Variants in TRMT11 observed in about 807,000 individuals in gnomAD.
TRMT11 encodes the protein tRNA (guanine(10)-N(2))-methyltransferase TRMT11.
In TRMT11, 53 loss-of-function variants were observed where a neutral mutation model predicts 62.8. The observed-to-expected ratio is 0.84, with a 90% confidence interval of 0.68 to 1.06. The LOEUF is 1.06. Ranked by LOEUF, TRMT11 falls within the 50% of genes least tolerant of loss-of-function variation. The pLI is 0.00. For synonymous variants in TRMT11, 188 were observed against 190.3 expected (o/e 0.99, Z 0.10); for missense variants, 556 against 553.4 (o/e 1.00, Z -0.05).
At chr6:126,136,326 A>C (rs573350982) in intron 21 of TRMT11, among the ~76,000 whole-genome samples, 40 of 151,870 alleles carry the variant, frequency 2.6e-4, no homozygotes, top group African/African-American at 9.4e-4. Flanking sequence ...AAATTACAAG[A>C]TACAAATAAC....
intron 12 of TRMT11, among the ~76,000 whole-genome samples, chr6:126,029,301 A>T (rs1773755247): frequency 6.6e-6 from 1 of 152,206 alleles, no homozygotes; most frequent in African/African-American, 2.4e-5. Context: ...TATAAAGTGA[A>T]CATCCATGTA....
At chr6:125,995,400 G>A (rs911600263) in intron 2 of TRMT11, among the ~76,000 whole-genome samples, 3 of 152,076 alleles carry the variant, frequency 2.0e-5, no homozygotes, top group Non-Finnish European at 4.4e-5. Context: ...CTTGGGTGTT[G>A]GGATAGAGGA....
chr6:126,066,197 T>C (rs1050304106), intron 17 of TRMT11, among the ~76,000 whole-genome samples: 1 of 152,172 alleles, frequency 6.6e-6, no homozygotes, highest in Admixed American at 6.5e-5. Context: ...CAGGCCAGGG[T>C]GTGGCTGGAT....
chr6:126,025,466 T>A (rs1448858576), intron 12 of TRMT11, among the ~76,000 whole-genome samples: 1 of 152,230 alleles, frequency 6.6e-6, no homozygotes, highest in African/African-American at 2.4e-5. Flanking sequence ...CCTCAAGTAA[T>A]TTTTTGAAAT....
intron 17 of TRMT11, among the ~76,000 whole-genome samples, chr6:126,055,723 C>T (rs753099395): frequency 1.4e-4 from 22 of 152,154 alleles, no homozygotes; most frequent in Non-Finnish European, 2.4e-4. Flanking sequence ...TGACTAAACC[C>T]GTTTCTTTGT....
intron 17 of TRMT11, among the ~76,000 whole-genome samples, chr6:126,099,953 AG>A (rs113335889): frequency 1.2e-4 from 18 of 152,184 alleles, no homozygotes; most frequent in African/African-American, 3.9e-4. Context: ...GGGACTTCAG[AG>A]GGGCCTGGCT....
the TRMT11 span, among the ~76,000 whole-genome samples, chr6:126,253,138 A>C: frequency 6.6e-6 from 1 of 152,114 alleles, no homozygotes; most frequent in African/African-American, 2.4e-5. Context: ...ATGTGTATAC[A>C]TATGTACATT....
chr6:126,193,248 C>G (rs993509216), intron 1 of TRMT11, among the ~76,000 whole-genome samples: 3 of 151,918 alleles, frequency 2.0e-5, no homozygotes, highest in African/African-American at 7.2e-5. Flanking sequence ...CTTTGTATTT[C>G]TATGGTAACT....
chr6:126,206,487 G>GAT (rs1778793402), downstream of TRMT11, among the ~76,000 whole-genome samples: 1 of 152,206 alleles, frequency 6.6e-6, no homozygotes, highest in Non-Finnish European at 1.5e-5. Flanking sequence ...CACAGCACAA[G>GAT]CACTGTTTAG....
At chr6:126,177,658 G>C (rs970467714) in intron 1 of TRMT11, among the ~76,000 whole-genome samples, 3 of 151,824 alleles carry the variant, frequency 2.0e-5, no homozygotes, top group African/African-American at 7.3e-5. Flanking sequence ...ACCATTTTTG[G>C]TTTAACCTCT....
the TRMT11 span, among the ~76,000 whole-genome samples, chr6:126,241,111 C>G: frequency 6.6e-6 from 1 of 152,198 alleles, no homozygotes; most frequent in Non-Finnish European, 1.5e-5. Context: ...ATCTGTCACC[C>G]CTTTCCTTGG....
chr6:126,213,298 T>C, the TRMT11 span, among the ~76,000 whole-genome samples: 9 of 152,118 alleles, frequency 5.9e-5, no homozygotes, highest in Non-Finnish European at 1.0e-4. Context: ...TCTTTTTCTA[T>C]TTTGTGAACA....
chr6:126,103,368 G>A (rs933078619), intron 17 of TRMT11, among the ~76,000 whole-genome samples: 1 of 152,136 alleles, frequency 6.6e-6, no homozygotes, highest in African/African-American at 2.4e-5. Context: ...GTATTTATTT[G>A]AGTTAAAGTT....
intron 12 of TRMT11, among the ~76,000 whole-genome samples, chr6:126,030,029 G>T (rs1264306572): frequency 6.6e-6 from 1 of 152,094 alleles, no homozygotes; most frequent in Non-Finnish European, 1.5e-5. Flanking sequence ...TTACTATCAT[G>T]TAGTGAAATT....
chr6:126,170,735 A>G (rs1778320517), intron 21 of TRMT11, among the ~76,000 whole-genome samples: 1 of 152,174 alleles, frequency 6.6e-6, no homozygotes, highest in Admixed American at 6.5e-5. Flanking sequence ...TGAGAAGCAC[A>G]ATCTCGATGC....
At chr6:126,004,245 T>C (rs751829161) in intron 7 of TRMT11, among the ~76,000 whole-genome samples, 24 of 152,124 alleles carry the variant, frequency 1.6e-4, no homozygotes, top group Middle Eastern at 3.4e-3. Flanking sequence ...TTCACAGCTG[T>C]CAATATATGG....
the TRMT11 span, among the ~76,000 whole-genome samples, chr6:126,223,568 T>G: frequency 6.6e-6 from 1 of 152,234 alleles, no homozygotes; most frequent in African/African-American, 2.4e-5. Context: ...GTGACCTGTC[T>G]TTCTTTCTAG....
At chr6:125,986,818 C>A in intron 1 of TRMT11, 196 bp downstream of exon 1, 1 of 564,582 alleles carries the variant, frequency 1.8e-6, no homozygotes, top group East Asian at 3.0e-5. Flanking sequence ...CGAGACCAAA[C>A]CCCTCGGCCT....
chr6:126,066,814 A>G lies in TRMT11; in HGVS notation c.*1437+13624A>G, dbSNP rs573009143. The stretch of plus-strand genomic sequence containing the variant: ...TGATGAGGCTTGGGGGGTGCCATCC[A>G]CCCAGCCAGCCAGGACATTGGTGTC... On this transcript the variant is annotated intron_variant and NMD_transcript_variant, in intron 17 of 22. Coordinates refer to the TRMT11 transcript ENST00000648977. Among the ~76,000 whole-genome samples the G allele has an allele frequency of 3.9e-5, 6 of 151,976 alleles. No homozygotes were observed. In the East Asian group the frequency reaches 9.7e-4, roughly 25 times the overall value.
Sources: allele counts gnomAD v4.1 joint callset (sites outside exome capture counted in the v4.1 genomes callset), GRCh38; gene constraint gnomAD v4.1.1; transcripts MANE v1.5; gene names NCBI Gene and HGNC (gene_info 2026-07-23, HGNC 2026-07-21).